The following PPP1R21 variants were observed in gnomAD, a reference collection of about 807,000 sequenced individuals.
PPP1R21 encodes the protein KLRAQ motif containing 1.
In PPP1R21, 85 loss-of-function variants were observed where a neutral mutation model predicts 112.8. The observed-to-expected ratio is 0.75, with a 90% CI of 0.63 to 0.90. The LOEUF (loss-of-function observed/expected upper bound fraction) is 0.90. PPP1R21 is among the 40% of genes least tolerant of loss of function. The pLI, the probability that PPP1R21 is intolerant of heterozygous loss-of-function variation, is 0.00. For synonymous variants in PPP1R21, 381 were observed against 322.3 expected (o/e 1.18, Z -1.95); for missense variants, 1,199 against 901.5 (o/e 1.33, Z -4.23).
chr2:48,467,415 C>T (rs544380899), intron 9 of PPP1R21, among the ~76,000 whole-genome samples: 1 of 152,304 alleles, frequency 6.6e-6, no homozygotes, highest in East Asian at 1.9e-4. Flanking sequence ...TAGTTTAAAA[C>T]AACAAACATT....
intron 3 of PPP1R21, among the ~76,000 whole-genome samples, chr2:48,456,839 T>G (rs1667749286): frequency 6.6e-6 from 1 of 151,682 alleles, no homozygotes; most frequent in Non-Finnish European, 1.5e-5. Context: ...GATCAGGAGG[T>G]CAGGAGTTGG....
chr2:48,470,788 C>T (rs139811519), intron 9 of PPP1R21, among the ~76,000 whole-genome samples: 17 of 152,264 alleles, frequency 1.1e-4, no homozygotes, highest in African/African-American at 4.1e-4. Flanking sequence ...AGTATTCGCT[C>T]CCTATTTCCT....
chr2:48,441,828 A>G (rs1461741108), intron 1 of PPP1R21, among the ~76,000 whole-genome samples: 1 of 152,262 alleles, frequency 6.6e-6, no homozygotes, highest in African/African-American at 2.4e-5. Flanking sequence ...AATTGATTCA[A>G]CAGTCATTAA....
chr2:48,463,821 C>A (rs1482627791), intron 7 of PPP1R21, among the ~76,000 whole-genome samples: 7 of 151,038 alleles, frequency 4.6e-5, no homozygotes, highest in Admixed American at 3.3e-4. Context: ...AGCAGTAGAC[C>A]GAGGTGGAGG....
intron 15 of PPP1R21, among the ~76,000 whole-genome samples, chr2:48,493,051 C>T (rs1285753536): frequency 3.9e-5 from 5 of 129,556 alleles, no homozygotes; most frequent in Admixed American, 3.4e-4. Flanking sequence ...GAGTCTTGCA[C>T]TATCGCCCAG....
At chr2:48,458,580 T>C (rs79377875) in intron 4 of PPP1R21, among the ~76,000 whole-genome samples, 8 of 93,632 alleles carry the variant, frequency 8.5e-5, no homozygotes, top group South Asian at 2.5e-4. Flanking sequence ...TCCCCCTCCC[T>C]TTTTTTTTTT....
chr2:48,501,442 A>C (rs570979900), intron 17 of PPP1R21, among the ~76,000 whole-genome samples: 2 of 152,180 alleles, frequency 1.3e-5, no homozygotes, highest in African/African-American at 2.4e-5. Flanking sequence ...GGACTTTCCA[A>C]AGTATTAGTC....
chr2:48,482,304 C>T (rs1181230284), intron 13 of PPP1R21, among the ~76,000 whole-genome samples: 4 of 152,106 alleles, frequency 2.6e-5, no homozygotes, highest in African/African-American at 9.7e-5. Flanking sequence ...CAGACAAATC[C>T]ACTTTGTTGG....
In PPP1R21 at chr2:48,471,323, C is replaced by CT. The variant is rs775488139; in HGVS notation, c.1045dup (p.Tyr349LeufsTer6). ...AAACTTTTTCAGAACACTTAACCTC[C>CT]TACATATGTTTTCTTAGGAAGATTC... On this transcript the variant is annotated frameshift_variant, in exon 11 of 22. Transcript: ENST00000294952. LOFTEE classifies it high-confidence loss of function. The CT allele has an allele frequency of 6.2e-7, 1 of 1,610,598 alleles. No homozygotes were observed. Among genetic ancestry groups the CT allele is most frequent in the Non-Finnish European group, 8.5e-7 (1 of 1,178,976 alleles).
At chr2:48,458,271 T>TG in intron 4 of PPP1R21, 44 bp downstream of exon 4, 1 of 1,324,988 alleles carries the variant, frequency 7.5e-7, no homozygotes, top group Non-Finnish European at 1.1e-6. Context: ...AATGGGTCTG[T>TG]GATCTGTTAA....
In PPP1R21 at chr2:48,459,808, C is replaced by A. The variant is rs754292034; in HGVS notation, c.430C>A (p.Leu144Met). ...KHVEAELRSR[L>M]ATLETEAAQH... ...TGTGGAAGCAGAGCTGAGGAGTCGA[C>A]TGGCCACTCTGGAGACAGAAGCAGC... is the stretch of plus-strand genomic sequence containing the variant. Residue 144 changes from leucine (L) to methionine (M), a missense_variant, in exon 5 of 22, where the codon CTG becomes ATG. Coordinates refer to ENST00000294952, the MANE Select transcript of PPP1R21 (RefSeq NM_001135629.3). The A allele has an allele frequency of 6.2e-7, 1 of 1,614,116 alleles. No homozygotes were observed. The highest frequency in any genetic ancestry group is 1.1e-5 in the South Asian group (1 of 91,080).
chr2:48,468,829 A>ATATGTGTGTG (rs1553339041), intron 9 of PPP1R21, among the ~76,000 whole-genome samples: 3 of 146,428 alleles, frequency 2.0e-5, no homozygotes, highest in Non-Finnish European at 3.0e-5. Context: ...AAAAAAATGT[A>ATATGTGTGTG]TGTGTGTGTG....
chr2:48,490,132 T>C (rs1445340982), intron 14 of PPP1R21, among the ~76,000 whole-genome samples: 4 of 146,786 alleles, frequency 2.7e-5, no homozygotes, highest in Admixed American at 7.0e-5. Context: ...GGCAGGAGAA[T>C]TGGTTAAACC....
At chr2:48,459,393 A>C (rs551808460) in intron 4 of PPP1R21, among the ~76,000 whole-genome samples, 2 of 152,228 alleles carry the variant, frequency 1.3e-5, no homozygotes, top group African/African-American at 4.8e-5. Context: ...ACTCTGATCA[A>C]TTGAATTCTA....
At position 48,490,945 on chromosome 2, in the gene PPP1R21, A is replaced by G. The variant is rs530245680; in HGVS notation, c.1447-73A>G. ...TCTCAACATCTTTAAACTTTGCTGC[A>G]AAAACTATTAGATATATATTTTAGA... On this transcript the variant is annotated intron_variant, in intron 14 of 21. Transcript: ENST00000294952. 8 of 1,346,002 alleles carry G rather than the reference A, an allele frequency of 5.9e-6. No homozygotes were observed. The African/African-American group carries it at 1.2e-4, about 20-fold the overall frequency. The allele number at this position is 1,346,002 out of a possible 1,614,324, so 83.4% of individuals were successfully genotyped here. A position where few individuals can be genotyped will look rare whatever the true frequency, so the allele number is the denominator to read the frequency against.
intron 16 of PPP1R21, among the ~76,000 whole-genome samples, chr2:48,496,355 T>C (rs2103626489): frequency 6.6e-6 from 1 of 152,352 alleles, no homozygotes; most frequent in African/African-American, 2.4e-5. Context: ...AATCTGACTT[T>C]ACAGCATTAT....
intron 15 of PPP1R21, among the ~76,000 whole-genome samples, chr2:48,492,146 C>T (rs1355668551): frequency 6.6e-6 from 1 of 152,310 alleles, no homozygotes; most frequent in Non-Finnish European, 1.5e-5. Flanking sequence ...AGTGCATAAA[C>T]ACATTCTTAT....
At chr2:48,487,230 AC>A (rs1669342349) in intron 14 of PPP1R21, among the ~76,000 whole-genome samples, 4 of 152,152 alleles carry the variant, frequency 2.6e-5, no homozygotes, top group Admixed American at 2.0e-4. Flanking sequence ...AAGAAAACAA[AC>A]CCACCACAAT....
intron 1 of PPP1R21, chr2:48,441,313 G>A: frequency 2.1e-6 from 1 of 472,366 alleles, no homozygotes; most frequent in Non-Finnish European, 3.9e-6. Flanking sequence ...TGCCTCTAAT[G>A]CTGGCTGAGA....
Sources: gnomAD v4.1 joint callset for allele counts (sites outside exome capture counted in the v4.1 genomes callset) on GRCh38, gnomAD v4.1.1 for gene constraint, MANE v1.5 for transcripts, NCBI Gene and HGNC (gene_info 2026-07-23, HGNC 2026-07-21) for gene names.